LAMA3: variants seen among roughly 807,000 people sequenced by gnomAD.
LAMA3 encodes laminin subunit alpha 3, also known as laminin subunit alpha-3.
LAMA3 carries 281 observed loss-of-function variants against 402.0 expected under a neutral mutation model. That is an observed-to-expected ratio of 0.70 (90% CI 0.63 to 0.77). The LOEUF (loss-of-function observed/expected upper bound fraction) is 0.77, where lower values mean the gene tolerates loss of function less well. LAMA3 is among the 30% of genes least tolerant of loss of function. LAMA3 has a pLI of 0.00. For missense variants in LAMA3, 3,840 were observed against 4,215.5 expected (o/e 0.91, Z 2.47); for synonymous variants, 1,431 against 1,558.4 (o/e 0.92, Z 1.93).
chr18:23,825,619 C>G (rs756058182), intron 21 of LAMA3, among the ~76,000 whole-genome samples: 8 of 151,854 alleles, frequency 5.3e-5, no homozygotes, highest in Admixed American at 1.3e-4. Context: ...CTCTGCTCTT[C>G]TTGCATCTTC....
At chr18:23,933,013 C>G (rs2082210983) in intron 66 of LAMA3, among the ~76,000 whole-genome samples, 1 of 152,126 alleles carries the variant, frequency 6.6e-6, no homozygotes, top group Non-Finnish European at 1.5e-5. Flanking sequence ...GGGGAAGGCC[C>G]AGGGGTTGTT....
At chr18:23,697,494 T>A (rs2145827101) in intron 1 of LAMA3, among the ~76,000 whole-genome samples, 1 of 152,280 alleles carries the variant, frequency 6.6e-6, no homozygotes, top group Non-Finnish European at 1.5e-5. Flanking sequence ...TCTTCCCAGG[T>A]GCCTCCACTG....
intron 2 of LAMA3, among the ~76,000 whole-genome samples, chr18:23,732,146 C>T (rs1272734041): frequency 1.3e-5 from 2 of 152,082 alleles, no homozygotes; most frequent in African/African-American, 2.4e-5. Flanking sequence ...GTGGCTGTGC[C>T]GGTAGATCCT....
At chr18:23,884,895 G>A (rs369180719) in intron 41 of LAMA3, 42 bp downstream of exon 41, 14 of 1,509,390 alleles carry the variant, frequency 9.3e-6, no homozygotes, top group East Asian at 4.6e-5. Flanking sequence ...CAGAGGGGGC[G>A]GGGAGGGCTG....
rs992990756 is a variant in LAMA3, at chr18:23,701,704, A to G, written c.294+11727A>G. Among the ~76,000 whole-genome samples the G allele has an allele frequency of 7.9e-5, 12 of 152,168 alleles. 1 individual carries two copies. The highest frequency in any genetic ancestry group is 2.9e-4 in the African/African-American group (12 of 41,442). The stretch of plus-strand genomic sequence containing the variant: ...TAATTTAAAAAGGAAATGATTTGCA[A>G]TTTCCGCTGAGGATGAAGAGAAGCG... On this transcript the variant is annotated intron_variant, in intron 1 of 74. Transcript: ENST00000313654.
At chr18:23,946,363 TACTC>T (rs1180649385) in intron 70 of LAMA3, 79 bp downstream of exon 70, 2 of 1,372,084 alleles carry the variant, frequency 1.5e-6, no homozygotes, top group African/African-American at 2.9e-5. Flanking sequence ...ATATTCAAAA[TACTC>T]ACCATATGAG....
chr18:23,941,467 A>T (rs936120995), intron 68 of LAMA3, among the ~76,000 whole-genome samples: 2 of 152,170 alleles, frequency 1.3e-5, no homozygotes, highest in Non-Finnish European at 2.9e-5. Context: ...AAAAGGTAAA[A>T]TTTTTTAAAA....
Position 23,907,578 on chromosome 18 carries a change from G to A in LAMA3, c.6747G>A (p.Gln2249=), listed in dbSNP as rs1185877319. 2.5e-6 allele frequency: 4 copies of A among 1,613,768 alleles called. No individual in the cohort carries two copies. The highest frequency in any genetic ancestry group is 2.2e-5 in the East Asian group (1 of 44,902). The change falls in exon 53 of 75, where the codon CAG becomes CAA. Residue 2249 remains glutamine (Q), a synonymous_variant. Transcript: ENST00000313654. ...TCAGTCCAGCTCTCAACAACCTACA[G>A]CAAACCCTGAATATTGTGACAGTTC... is the stretch of plus-strand genomic sequence containing the variant. The part of the protein sequence containing the change: ...QEVSPALNNL[Q]QTLNIVTVQK...
intron 1 of LAMA3, chr18:23,709,844 A>C: frequency 1.5e-6 from 1 of 688,440 alleles, no homozygotes; most frequent in South Asian, 1.4e-5. Flanking sequence ...TTTTGTTGGC[A>C]ACATCCAAAG....
rs370470226 is a variant in LAMA3, at chr18:23,943,926, G to A, written c.9165G>A (p.Leu3055=). 2,417 of 1,614,106 alleles carry A rather than the reference G, an allele frequency of 1.5e-3. 51 individuals are homozygous for A. The South Asian group carries it at 0.023, about 15-fold the overall frequency. The change falls in exon 69 of 75, where the codon TTG becomes TTA. Residue 3055 remains leucine, a synonymous_variant. Transcript: ENST00000313654. ...CACTGGGGACAGATGGGAAAAAATT[G>A]AGGATCAAAAGCAAGGAGAAATGCA... The part of the protein sequence containing the change: ...VFALGTDGKK[L]RIKSKEKCND...
chr18:23,840,418 T>G (rs1209683361), intron 27 of LAMA3, among the ~76,000 whole-genome samples: 1 of 141,396 alleles, frequency 7.1e-6, no homozygotes, highest in Non-Finnish European at 1.5e-5. Context: ...ATTCTTGCTC[T>G]ATCACTCAAA....
intron 12 of LAMA3, among the ~76,000 whole-genome samples, chr18:23,799,042 A>G (rs774016291): frequency 2.0e-5 from 3 of 152,236 alleles, no homozygotes; most frequent in Non-Finnish European, 2.9e-5. Flanking sequence ...GGATTTCAAT[A>G]GTTACTCATG....
intron 8 of LAMA3, among the ~76,000 whole-genome samples, chr18:23,769,163 G>A (rs2062141930): frequency 6.6e-6 from 1 of 151,624 alleles, no homozygotes; most frequent in Non-Finnish European, 1.5e-5. Context: ...TTTTTTTTTG[G>A]AAAAAGAATT....
At chr18:23,748,420 CA>C (rs749355061) in intron 3 of LAMA3, among the ~76,000 whole-genome samples, 3,370 of 88,264 alleles carry the variant, frequency 0.038, 108 homozygotes, top group African/African-American at 0.12. Context: ...GACTCTGTCT[CA>C]AAAAAAAAAA....
At chr18:23,782,437 G>A (rs1252059187) in intron 11 of LAMA3, among the ~76,000 whole-genome samples, 2 of 151,908 alleles carry the variant, frequency 1.3e-5, no homozygotes, top group African/African-American at 2.4e-5. Context: ...CCTGTAATCC[G>A]AGCTACTCGG....
chr18:23,831,953 A>C (rs2063497036), intron 23 of LAMA3, among the ~76,000 whole-genome samples: 1 of 152,214 alleles, frequency 6.6e-6, no homozygotes. Flanking sequence ...GATAAATAAC[A>C]CACATAAATA....
In LAMA3 at chr18:23,709,079, CT is replaced by C. The variant is rs10716153; in HGVS notation, c.295-4832del. 7.1e-3 allele frequency among the ~76,000 whole-genome samples: 1,057 copies of C among 148,990 alleles called. 8 individuals are homozygous for C. The highest frequency in any genetic ancestry group is 0.024 in the African/African-American group (991 of 40,624). The stretch of plus-strand genomic sequence containing the variant: ...TTCATTTGGAGGTTTTTTCTTTTTT[CT>C]TTTTTTTTGAGACAGGGTCTTGCTC... On this transcript the variant is annotated intron_variant, in intron 1 of 74. Coordinates refer to ENST00000313654, the MANE Select transcript of LAMA3 (RefSeq NM_198129.4).
chr18:23,892,320 T>A (rs73967627), intron 42 of LAMA3, among the ~76,000 whole-genome samples: 5,530 of 152,144 alleles, frequency 0.036, 339 homozygotes, highest in African/African-American at 0.13. Flanking sequence ...GTTCCCAAAA[T>A]GGAAGAAAAT....
intron 40 of LAMA3, 119 bp from the exon 41 acceptor site, chr18:23,884,654 G>C: frequency 1.1e-6 from 1 of 946,528 alleles, no homozygotes; most frequent in Non-Finnish European, 1.7e-6. Context: ...TTCACACAAA[G>C]TAACCAGACC....
Sources: allele counts gnomAD v4.1 joint callset (sites outside exome capture counted in the v4.1 genomes callset), GRCh38; gene constraint gnomAD v4.1.1; transcripts MANE v1.5; gene names NCBI Gene and HGNC (gene_info 2026-07-23, HGNC 2026-07-21).